The following SEMA3A variants were observed in gnomAD, a reference collection of about 807,000 sequenced individuals.
SEMA3A encodes the protein semaphorin 3A.
SEMA3A carries 29 observed loss-of-function variants against 97.9 expected under a neutral mutation model. The observed-to-expected ratio is 0.30, with a 90% CI of 0.22 to 0.40. The LOEUF (loss-of-function observed/expected upper bound fraction) is 0.40, where lower values mean the gene tolerates loss of function less well. Ranked by LOEUF, SEMA3A falls within the 10% of genes least tolerant of loss-of-function variation. The pLI is 1.00. For synonymous variants in SEMA3A, 321 were observed against 323.7 expected, an observed-to-expected ratio of 0.99 and a Z score of 0.09; for missense variants, 763 against 951.3, an observed-to-expected ratio of 0.80 and a Z score of 2.60.
At chr7:84,225,732 T>C (rs1334684012) in intron 3 of SEMA3A, among the ~76,000 whole-genome samples, 1 of 152,004 alleles carries the variant, frequency 6.6e-6, no homozygotes, top group East Asian at 1.9e-4. Context: ...TGCTCTACCT[T>C]GTGGAGAAGC....
chr7:84,242,905 G>T (rs1293441970), intron 3 of SEMA3A, among the ~76,000 whole-genome samples: 1 of 152,126 alleles, frequency 6.6e-6, no homozygotes, highest in Non-Finnish European at 1.5e-5. Flanking sequence ...TGTGGTTTTT[G>T]TCATTGGTTC....
Position 84,049,621 on chromosome 7 carries a change from T to G in SEMA3A, c.548-3178A>C, listed in dbSNP as rs1222314790. Among the ~76,000 whole-genome samples the G allele has an allele frequency of 4.6e-5, 7 of 152,270 alleles. No individual in the cohort carries two copies. In the East Asian group the frequency reaches 1.2e-3, roughly 25 times the overall value. The stretch of plus-strand genomic sequence containing the variant: ...GGCTTATTTTGGAGAATAGATATAT[T>G]TTTTAAAAATGCCTGTTCAGCAAAC... On this transcript the variant is annotated intron_variant, in intron 5 of 16. Coordinates refer to ENST00000265362, the MANE Select transcript of SEMA3A (RefSeq NM_006080.3).
chr7:83,961,429 T>C lies in SEMA3A; in HGVS notation c.2258A>G (p.Asn753Ser). ...GGTCCTCCTGTTTCTACCTTTCTTA[T>C]TTTCTTGTAAGTGCTTCCATTTGTT... is the stretch of plus-strand genomic sequence containing the variant. ...NSNKWKHLQENKKGRNRRTHE... is the reference protein window; with the variant it reads ...NSNKWKHLQESKKGRNRRTHE... The change falls in exon 17 of 17, where the codon AAT (asparagine) becomes AGT (serine). Residue 753 changes from asparagine to serine, a missense_variant. By Grantham distance (46) the Asn-to-Ser change is conservative. Transcript: ENST00000265362. The C allele has an allele frequency of 6.2e-7, 1 of 1,614,164 alleles. No homozygotes were observed. The highest frequency in any genetic ancestry group is 8.5e-7 in the Non-Finnish European group (1 of 1,179,990).
At chr7:84,453,603 T>A (rs1197672269) in intron 1 of SEMA3A, among the ~76,000 whole-genome samples, 1 of 152,142 alleles carries the variant, frequency 6.6e-6, no homozygotes, top group African/African-American at 2.4e-5. Context: ...GCTACTTTCT[T>A]CTGAGTAAAG....
At chr7:84,063,414 A>G (rs1302401075) in intron 4 of SEMA3A, among the ~76,000 whole-genome samples, 1 of 151,466 alleles carries the variant, frequency 6.6e-6, no homozygotes, top group African/African-American at 2.4e-5. Flanking sequence ...ACAAAGCTGG[A>G]TGGAGAATGA....
rs201917835 is a variant in SEMA3A at position 84,347,718 on chromosome 7, C to CT, written c.-169+24105dup. On this transcript the variant is annotated intron_variant, in intron 2 of 3. Coordinates refer to the SEMA3A transcript ENST00000424555. ...AGCCACCGTGCCCAGCTCTTCAAAG[C>CT]TTTTTTTTAGTAAAAGAAGACAGCC... Among the ~76,000 whole-genome samples the CT allele has an allele frequency of 1.5e-4, 23 of 151,822 alleles. No individual in the cohort carries two copies. In the East Asian group the frequency reaches 3.9e-3, roughly 26 times the overall value.
In SEMA3A at chr7:84,321,891, AAAAAAAAAG is replaced by A. The variant is rs1328577935; in HGVS notation, c.-168-14608_-168-14600del. On this transcript the variant is annotated intron_variant, in intron 2 of 3. Transcript: ENST00000424555. Reference sequence around the variant, plus strand: ...ACTACGGAAAAAAAAAAAAAAAAAAAAAAAAAAAGAAGAAGAAGAAGGAGGAAATACCTG... The same window carrying A: ...ACTACGGAAAAAAAAAAAAAAAAAAAAAGAAGAAGAAGGAGGAAATACCTG... Among the ~76,000 whole-genome samples the A allele has an allele frequency of 7.6e-4, 92 of 121,594 alleles. 1 individual carries two copies. The highest frequency in any genetic ancestry group is 2.5e-3 in the African/African-American group (84 of 34,040). The allele number at this position is 121,594 out of a possible 152,430, so 79.8% of individuals were successfully genotyped here.
intron 3 of SEMA3A, among the ~76,000 whole-genome samples, chr7:84,262,843 G>A (rs1417120054): frequency 3.9e-5 from 6 of 152,094 alleles, no homozygotes; most frequent in African/African-American, 1.2e-4. Context: ...GAATATTTCA[G>A]GAAGAGTAGA....
In SEMA3A at chr7:84,091,499, G is replaced by A. The variant is rs572453586; in HGVS notation, c.453+18971C>T. Among the ~76,000 whole-genome samples, 86 of 152,122 alleles carry A rather than the reference G, an allele frequency of 5.7e-4. 1 individual carries two copies. Among genetic ancestry groups the A allele is most frequent in the Non-Finnish European group, 9.9e-4 (67 of 68,000 alleles). ...CACACACCTTATCAGGGCATGCTGG[G>A]TTAAGAATGTGGGTGGAGATTTAGA... On this transcript the variant is annotated intron_variant, in intron 4 of 16. Coordinates refer to ENST00000265362, the MANE Select transcript of SEMA3A (RefSeq NM_006080.3).
chr7:84,059,301 C>T (rs1020726757), intron 5 of SEMA3A, among the ~76,000 whole-genome samples: 5 of 152,056 alleles, frequency 3.3e-5, no homozygotes, highest in Admixed American at 3.3e-4. Flanking sequence ...CTAAAAGTGT[C>T]CACATTTGAA....
In SEMA3A at chr7:84,037,448, C is replaced by T. The variant is rs1185610344; in HGVS notation, c.667+8876G>A. On this transcript the variant is annotated intron_variant, in intron 6 of 16. Transcript: ENST00000265362. Reference sequence around the variant, plus strand: ...GCTCAGGTGATCCTCCCATCTCAGCCTCCCAAGTAACTGGGACTACAGATG... The same window carrying T: ...GCTCAGGTGATCCTCCCATCTCAGCTTCCCAAGTAACTGGGACTACAGATG... 3.3e-5 allele frequency among the ~76,000 whole-genome samples: 5 copies of T among 152,064 alleles called. No individual in the cohort carries two copies. In the East Asian group the frequency reaches 9.7e-4, roughly 29 times the overall value.
chr7:84,052,082 G>A (rs1197745563), intron 5 of SEMA3A, among the ~76,000 whole-genome samples: 4 of 152,166 alleles, frequency 2.6e-5, no homozygotes, highest in Non-Finnish European at 4.4e-5. Context: ...TGGCGGATAA[G>A]CTTTTTGATG....
At chr7:84,308,175 G>C (rs969415006) in intron 2 of SEMA3A, among the ~76,000 whole-genome samples, 1 of 151,802 alleles carries the variant, frequency 6.6e-6, no homozygotes, top group Admixed American at 6.6e-5. Flanking sequence ...GGGAACTATA[G>C]AATATTTCTA....
intron 3 of SEMA3A, among the ~76,000 whole-genome samples, chr7:84,294,528 T>A (rs1363257937): frequency 6.6e-6 from 1 of 152,088 alleles, no homozygotes; most frequent in Non-Finnish European, 1.5e-5. Flanking sequence ...GGGAGTTACA[T>A]GAAGGCTAAA....
chr7:84,068,418 T>A, intron 4 of SEMA3A, among the ~76,000 whole-genome samples: 5 of 126,956 alleles, frequency 3.9e-5, no homozygotes, highest in Admixed American at 7.8e-5. Context: ...AAACTTAAAG[T>A]ATAATTAAAA....
intron 2 of SEMA3A, among the ~76,000 whole-genome samples, chr7:84,336,740 G>C (rs186734176): frequency 6.6e-6 from 1 of 152,242 alleles, no homozygotes; most frequent in African/African-American, 2.4e-5. Flanking sequence ...GTAGGGCTAT[G>C]AGAGATTGAT....
chr7:84,396,028 T>C (rs973516005), intron 1 of SEMA3A, among the ~76,000 whole-genome samples: 21 of 152,032 alleles, frequency 1.4e-4, no homozygotes, highest in Non-Finnish European at 2.5e-4. Context: ...AAAGAAAATA[T>C]TCAGGAGATA....
At chr7:84,127,986 C>A (rs984145782) in intron 3 of SEMA3A, among the ~76,000 whole-genome samples, 4 of 151,946 alleles carry the variant, frequency 2.6e-5, no homozygotes, top group Admixed American at 6.6e-5. Flanking sequence ...TTTTAAAATT[C>A]TGTAATTCAT....
chr7:84,254,619 T>C (rs111715553), intron 3 of SEMA3A, among the ~76,000 whole-genome samples: 2,384 of 152,250 alleles, frequency 0.016, 54 homozygotes, highest in Non-Finnish European at 0.022. Flanking sequence ...ACCTCTTCTT[T>C]AAAAATTTAA....
Sources: allele counts gnomAD v4.1 joint callset (sites outside exome capture counted in the v4.1 genomes callset), GRCh38; gene constraint gnomAD v4.1.1; transcripts MANE v1.5; gene names NCBI Gene and HGNC (gene_info 2026-07-23, HGNC 2026-07-21).